Variants in HS2ST1 observed in about 807,000 individuals in gnomAD.
The protein encoded by HS2ST1 is 2-O-sulfotransferase.
Under a neutral mutation model 42.9 loss-of-function variants are expected in HS2ST1, and 18 were observed. The observed-to-expected ratio is 0.42, with a 90% confidence interval of 0.29 to 0.62. The LOEUF is 0.62. Among genes scored for constraint, HS2ST1 ranks in the 20% least tolerant of loss-of-function variants. The probability of loss-of-function intolerance (pLI) is 0.21; values close to 1 mark genes in which losing one functional copy is unlikely to be tolerated. For missense variants in HS2ST1, 334 were observed against 433.8 expected, an observed-to-expected ratio of 0.77 and a Z score of 2.04; for synonymous variants, 146 against 152.9, an observed-to-expected ratio of 0.95 and a Z score of 0.33.
intron 1 of HS2ST1, among the ~76,000 whole-genome samples, chr1:86,980,227 A>C (rs1451891911): frequency 6.6e-6 from 1 of 152,224 alleles, no homozygotes; most frequent in Non-Finnish European, 1.5e-5. Context: ...CTTGCATTGT[A>C]GTGGGAGAGA....
chr1:86,939,138 G>C (rs1200100421), intron 1 of HS2ST1, among the ~76,000 whole-genome samples: 1 of 152,060 alleles, frequency 6.6e-6, no homozygotes, highest in Non-Finnish European at 1.5e-5. Context: ...TTCTCAGATA[G>C]CGATGAACCA....
At position 87,085,639 on chromosome 1, in the gene HS2ST1, A is replaced by C. The variant is rs151183311; in HGVS notation, c.449+1360A>C. Among the ~76,000 whole-genome samples the C allele has an allele frequency of 1.2e-3, 177 of 152,326 alleles. 1 individual carries two copies. Among genetic ancestry groups the C allele is most frequent in the African/African-American group, 4.0e-3 (167 of 41,572 alleles). ...ATTTTTTTCTTTGCATAGGCATTGA[A>C]CCAATTTCATAAGCTTCGTTCATGT... On this transcript the variant is annotated intron_variant, in intron 3 of 6. Coordinates refer to ENST00000370550, the MANE Select transcript of HS2ST1 (RefSeq NM_012262.4).
At chr1:86,983,334 G>A (rs531252911) in intron 1 of HS2ST1, among the ~76,000 whole-genome samples, 13 of 152,228 alleles carry the variant, frequency 8.5e-5, no homozygotes, top group African/African-American at 3.1e-4. Context: ...TCCACATGGC[G>A]GGGGAGATCT....
At chr1:86,995,075 C>T (rs1649060491) in intron 1 of HS2ST1, among the ~76,000 whole-genome samples, 1 of 151,894 alleles carries the variant, frequency 6.6e-6, no homozygotes, top group African/African-American at 2.4e-5. Flanking sequence ...TTCTTCCTTT[C>T]CCACCTCTAC....
intron 1 of HS2ST1, among the ~76,000 whole-genome samples, chr1:87,006,911 C>T (rs1176670606): frequency 1.3e-5 from 2 of 152,052 alleles, no homozygotes; most frequent in Non-Finnish European, 2.9e-5. Context: ...TTCTTCTAGT[C>T]CTTTCATTAT....
chr1:87,018,161 C>T (rs1322477121), intron 1 of HS2ST1, among the ~76,000 whole-genome samples: 2 of 149,298 alleles, frequency 1.3e-5, no homozygotes, highest in African/African-American at 2.5e-5. Flanking sequence ...CACACACACA[C>T]ACAGACACAC....
chr1:87,030,476 T>A (rs1226937492), intron 1 of HS2ST1, among the ~76,000 whole-genome samples: 1 of 151,982 alleles, frequency 6.6e-6, no homozygotes, highest in African/African-American at 2.4e-5. Context: ...CCAACCTGGG[T>A]GACAGAGTGA....
intron 1 of HS2ST1, among the ~76,000 whole-genome samples, chr1:87,066,900 C>G (rs879074762): frequency 6.6e-6 from 1 of 152,184 alleles, no homozygotes; most frequent in Non-Finnish European, 1.5e-5. Flanking sequence ...AGGACATGGA[C>G]TCATCCTTTT....
intron 1 of HS2ST1, among the ~76,000 whole-genome samples, chr1:86,971,331 G>A (rs941468466): frequency 2.0e-5 from 3 of 152,098 alleles, no homozygotes; most frequent in Non-Finnish European, 2.9e-5. Flanking sequence ...AACCTTGGCG[G>A]TTTAGTTATT....
chr1:87,087,545 A>T (rs553071059), intron 3 of HS2ST1, among the ~76,000 whole-genome samples: 1 of 152,212 alleles, frequency 6.6e-6, no homozygotes, highest in East Asian at 1.9e-4. Context: ...CTATGTCACG[A>T]CAAGAAACAA....
At chr1:87,074,828 T>C (rs572382136) in intron 2 of HS2ST1, among the ~76,000 whole-genome samples, 2 of 152,284 alleles carry the variant, frequency 1.3e-5, no homozygotes, top group African/African-American at 4.8e-5. Context: ...TACTTCAAAA[T>C]TATCAGCTGG....
intron 3 of HS2ST1, among the ~76,000 whole-genome samples, chr1:87,088,824 C>G (rs1450167758): frequency 3.9e-5 from 6 of 151,988 alleles, no homozygotes; most frequent in Non-Finnish European, 8.8e-5. Context: ...TTTATTTACA[C>G]TATCATCAGT....
intron 1 of HS2ST1, among the ~76,000 whole-genome samples, chr1:87,017,757 T>C (rs996732869): frequency 3.3e-5 from 5 of 152,218 alleles, no homozygotes; most frequent in African/African-American, 1.2e-4. Flanking sequence ...TTTTGATATA[T>C]GTGTCCTTTC....
chr1:87,026,644 G>T (rs1356289856), intron 1 of HS2ST1, among the ~76,000 whole-genome samples: 4 of 151,968 alleles, frequency 2.6e-5, no homozygotes, highest in Admixed American at 2.6e-4. Flanking sequence ...TTAGTTACAA[G>T]GTTTAAATTC....
intron 2 of HS2ST1, among the ~76,000 whole-genome samples, chr1:87,081,800 A>G (rs1433221846): frequency 1.3e-5 from 2 of 152,060 alleles, no homozygotes; most frequent in African/African-American, 4.8e-5. Context: ...GTCCTGGCCA[A>G]CATGGTGAAA....
intron 1 of HS2ST1, among the ~76,000 whole-genome samples, chr1:86,995,934 A>G (rs1375325503): frequency 6.6e-6 from 1 of 152,100 alleles, no homozygotes; most frequent in Non-Finnish European, 1.5e-5. Flanking sequence ...GATGATGAGA[A>G]AGCACCAAGT....
At chr1:87,025,640 T>C (rs536112702) in intron 1 of HS2ST1, among the ~76,000 whole-genome samples, 49 of 152,344 alleles carry the variant, frequency 3.2e-4, no homozygotes, top group African/African-American at 1.1e-3. Context: ...GGAATTTGCG[T>C]GTACATATAC....
intron 1 of HS2ST1, 50 bp downstream of exon 1, chr1:86,915,210 G>A: frequency 6.4e-7 from 1 of 1,559,568 alleles, no homozygotes; most frequent in Admixed American, 2.0e-5. Flanking sequence ...GGGCCGAGGA[G>A]GCGCTGCCGC....
intron 1 of HS2ST1, among the ~76,000 whole-genome samples, chr1:86,989,865 C>A (rs1257124321): frequency 6.6e-6 from 1 of 151,954 alleles, no homozygotes; most frequent in African/African-American, 2.4e-5. Context: ...ATGATGGTTT[C>A]CAGCTTCATC....
Sources: allele counts gnomAD v4.1 joint callset (sites outside exome capture counted in the v4.1 genomes callset), GRCh38; gene constraint gnomAD v4.1.1; transcripts MANE v1.5; gene names NCBI Gene and HGNC (gene_info 2026-07-23, HGNC 2026-07-21).